RAB3GAP1: variants seen among roughly 807,000 people sequenced by gnomAD.
RAB3GAP1 encodes the protein rab3 GTPase-activating protein catalytic subunit.
RAB3GAP1 carries 86 observed loss-of-function variants against 130.7 expected under a neutral mutation model. The observed-to-expected ratio is 0.66, with a 90% CI of 0.55 to 0.79. RAB3GAP1 has a LOEUF of 0.79. Ranked by LOEUF, RAB3GAP1 falls within the 30% of genes least tolerant of loss-of-function variation. The pLI, the probability that RAB3GAP1 is intolerant of heterozygous loss-of-function variation, is 0.00. For synonymous variants in RAB3GAP1, 367 were observed against 401.7 expected (o/e 0.91, Z 1.03); for missense variants, 1,029 against 1,169.4 (o/e 0.88, Z 1.75).
At chr2:135,153,560 C>CT in intron 18 of RAB3GAP1, 89 bp from the exon 19 acceptor site, 3 of 1,231,434 alleles carry the variant, frequency 2.4e-6, no homozygotes, top group Non-Finnish European at 3.6e-6. Flanking sequence ...ATTAGATAGG[C>CT]TTTTTTTGAA....
intron 9 of RAB3GAP1, among the ~76,000 whole-genome samples, chr2:135,125,885 G>T (rs1176148487): frequency 6.6e-6 from 1 of 152,130 alleles, no homozygotes; most frequent in Non-Finnish European, 1.5e-5. Flanking sequence ...GTACTTCTGT[G>T]CTTTTTATGG....
intron 17 of RAB3GAP1, among the ~76,000 whole-genome samples, chr2:135,142,724 A>G (rs1042385386): frequency 6.6e-6 from 1 of 151,914 alleles, no homozygotes; most frequent in Non-Finnish European, 1.5e-5. Context: ...CAGGTATTGC[A>G]TTTTATCAAA....
rs1691586713 is a variant in RAB3GAP1, at chr2:135,132,913, G to A, written c.1255G>A (p.Val419Ile). The A allele has an allele frequency of 1.9e-6, 3 of 1,570,376 alleles. No homozygotes were observed. The highest frequency in any genetic ancestry group is 1.7e-5 in the Admixed American group (1 of 59,884). The change falls in exon 14 of 24, where the codon GTT becomes ATT. Residue 419 changes from valine (V) to isoleucine (I), a missense_variant. By Grantham distance (29) the Val-to-Ile change is conservative. Around this residue, in one of 3 missense-constraint regions of RAB3GAP1, gnomAD observed 510 missense variants for 532.1 expected, o/e 0.96. Coordinates refer to ENST00000264158, the MANE Select transcript of RAB3GAP1 (RefSeq NM_012233.3). Reference sequence around the variant, plus strand: ...CTTCAAGTTCTTATTCCCTGATGCTGTTTCTGAGAAACCATTAGATGGAAC... The same window carrying A: ...CTTCAAGTTCTTATTCCCTGATGCTATTTCTGAGAAACCATTAGATGGAAC... Reference protein sequence around the residue: ...TILLFLFPDAVSEKPLDGTTS... With the variant: ...TILLFLFPDAISEKPLDGTTS...
At chr2:135,161,412 G>A (rs1276964765) in intron 19 of RAB3GAP1, among the ~76,000 whole-genome samples, 1 of 151,810 alleles carries the variant, frequency 6.6e-6, no homozygotes, top group Non-Finnish European at 1.5e-5. Context: ...AGTCACTGAG[G>A]GCTATAAACA....
chr2:135,158,521 A>G (rs930812513), intron 19 of RAB3GAP1, among the ~76,000 whole-genome samples: 13 of 152,334 alleles, frequency 8.5e-5, no homozygotes, highest in African/African-American at 3.1e-4. Flanking sequence ...AACCATATTG[A>G]TAATTAATGG....
intron 3 of RAB3GAP1, among the ~76,000 whole-genome samples, chr2:135,088,142 A>T (rs1009419685): frequency 6.6e-6 from 1 of 152,220 alleles, no homozygotes; most frequent in East Asian, 1.9e-4. Context: ...AATTAGGGAC[A>T]GACAGTATCT....
chr2:135,129,637 A>G (rs1202896092), intron 11 of RAB3GAP1, among the ~76,000 whole-genome samples: 2 of 152,086 alleles, frequency 1.3e-5, no homozygotes, highest in South Asian at 2.1e-4. Flanking sequence ...CAGTTGGGGA[A>G]AGATTACTAC....
In RAB3GAP1 at chr2:135,150,469, A is replaced by G; in HGVS notation, c.2024A>G (p.Gln675Arg). The change falls in exon 18 of 24, where the codon CAG (glutamine) becomes CGG (arginine). Residue 675 changes from glutamine to arginine, a missense_variant. Transcript: ENST00000264158. Reference protein sequence around the residue: ...AEGAHLRARMQSACLLSDMES... With the variant: ...AEGAHLRARMRSACLLSDMES... ...GGGGCTCACCTTCGAGCACGCATGC[A>G]GAGTGCCTGTCTGCTCTCAGATATG... 1 of 1,614,236 alleles carries G rather than the reference A, an allele frequency of 6.2e-7. No individual in the cohort carries two copies. The highest frequency in any genetic ancestry group is 8.5e-7 in the Non-Finnish European group (1 of 1,180,038).
intron 3 of RAB3GAP1, among the ~76,000 whole-genome samples, chr2:135,060,256 A>AT (rs60562266): frequency 0.013 from 1,461 of 109,818 alleles, 49 homozygotes; most frequent in African/African-American, 0.037. Context: ...TAACTGCTTG[A>AT]TTTTTTTTTT....
chr2:135,128,086 G>T (rs1376194335), intron 11 of RAB3GAP1, among the ~76,000 whole-genome samples: 1 of 152,142 alleles, frequency 6.6e-6, no homozygotes, highest in Admixed American at 6.5e-5. Flanking sequence ...TTTCTCTAAA[G>T]CATTGTTTTC....
chr2:135,130,621 C>A lies in RAB3GAP1; in HGVS notation c.1136C>A (p.Ser379Ter). ...GCATCAGTTCCAATTCATAAATTAT[C>A]AGTTTCAAATATGGTACACACTGCA... is the stretch of plus-strand genomic sequence containing the variant. ...EPASVPIHKL[S>*]VSNMVHTAKK... Residue 379 changes from serine (S) to a stop codon, truncating the protein, a stop_gained, in exon 13 of 24, where the codon TCA becomes TAA. Transcript: ENST00000264158. LOFTEE classifies it high-confidence loss of function. The A allele has an allele frequency of 1.9e-6, 3 of 1,613,686 alleles. No homozygotes were observed. The highest frequency in any genetic ancestry group is 1.1e-5 in the South Asian group (1 of 91,052).
chr2:135,063,463 A>C (rs969765370), intron 3 of RAB3GAP1, among the ~76,000 whole-genome samples: 1 of 152,154 alleles, frequency 6.6e-6, no homozygotes, highest in African/African-American at 2.4e-5. Context: ...CTACCCATTA[A>C]ACAAGAACTC....
chr2:135,148,108 C>T (rs1484578745), intron 17 of RAB3GAP1, among the ~76,000 whole-genome samples: 1 of 152,038 alleles, frequency 6.6e-6, no homozygotes, highest in South Asian at 2.1e-4. Context: ...TTATATTTTG[C>T]CTTTAGGTAA....
intron 18 of RAB3GAP1, among the ~76,000 whole-genome samples, chr2:135,150,959 T>A (rs1692157001): frequency 1.3e-5 from 2 of 152,168 alleles, no homozygotes; most frequent in Non-Finnish European, 2.9e-5. Flanking sequence ...TGTAAGGAAC[T>A]GTCATGAGTT....
Position 135,168,635 on chromosome 2 carries a change from C to A in RAB3GAP1, c.2800C>A (p.Pro934Thr), listed in dbSNP as rs77535003. 2.7e-5 allele frequency: 43 copies of A among 1,614,068 alleles called. No homozygotes were observed. The highest frequency in any genetic ancestry group is 3.1e-5 in the Non-Finnish European group (37 of 1,180,048). Residue 934 changes from proline to threonine, a missense_variant, in exon 24 of 24, where the codon CCT becomes ACT. Physicochemically the swap from Pro to Thr is conservative, Grantham distance 38. Transcript: ENST00000264158. The part of the protein sequence containing the change: ...RQNSVSDFPP[P>T]AGREFILRTT... The stretch of plus-strand genomic sequence containing the variant: ...GAACTCCGTGTCAGACTTCCCACCC[C>A]CTGCTGGCCGGGAATTCATTTTGCG...
intron 3 of RAB3GAP1, among the ~76,000 whole-genome samples, chr2:135,073,485 G>T (rs554852063): frequency 1.1e-4 from 17 of 152,332 alleles, no homozygotes; most frequent in African/African-American, 3.6e-4. Flanking sequence ...CCTTTAGGCA[G>T]TCCCATTTTT....
chr2:135,133,279 C>A (rs1322293934), intron 14 of RAB3GAP1, among the ~76,000 whole-genome samples: 2 of 152,032 alleles, frequency 1.3e-5, no homozygotes, highest in African/African-American at 2.4e-5. Context: ...TCAGCAGATT[C>A]TTTTTGATAT....
intron 17 of RAB3GAP1, among the ~76,000 whole-genome samples, chr2:135,140,616 A>C (rs1440758504): frequency 6.6e-6 from 1 of 152,224 alleles, no homozygotes; most frequent in Non-Finnish European, 1.5e-5. Context: ...CTGTTGCAAC[A>C]AATTGTGACC....
chr2:135,101,237 C>A (rs2104891262), intron 5 of RAB3GAP1, among the ~76,000 whole-genome samples: 1 of 152,232 alleles, frequency 6.6e-6, no homozygotes, highest in Non-Finnish European at 1.5e-5. Flanking sequence ...ATACATTTCT[C>A]AAAAATTTCA....
Sources: allele counts gnomAD v4.1 joint callset (sites outside exome capture counted in the v4.1 genomes callset), GRCh38; gene constraint gnomAD v4.1.1; regional missense constraint gnomAD v4.1.1; transcripts MANE v1.5; gene names NCBI Gene and HGNC (gene_info 2026-07-23, HGNC 2026-07-21).